GNAQ: variants seen among roughly 807,000 people sequenced by gnomAD.
The protein encoded by GNAQ is guanine nucleotide-binding protein G(q) subunit alpha.
GNAQ carries 8 observed loss-of-function variants against 43.9 expected under a neutral mutation model. That is an observed-to-expected ratio of 0.18 (90% confidence interval 0.11 to 0.33). GNAQ has a LOEUF of 0.33. Ranked by LOEUF, GNAQ falls within the 10% of genes least tolerant of loss-of-function variation. GNAQ has a pLI of 1.00. For synonymous variants in GNAQ, 155 were observed against 170.7 expected (o/e 0.91, Z 0.71); for missense variants, 158 against 450.8 (o/e 0.35, Z 5.88).
intron 5 of GNAQ, among the ~76,000 whole-genome samples, chr9:77,747,215 A>G (rs1020275924): frequency 3.3e-5 from 5 of 151,998 alleles, no homozygotes; most frequent in Admixed American, 2.6e-4. Context: ...TAATAAATAT[A>G]TTCTAAGAAA....
intron 2 of GNAQ, among the ~76,000 whole-genome samples, chr9:77,879,225 C>A (rs1828174023): frequency 6.6e-6 from 1 of 152,052 alleles, no homozygotes; most frequent in African/African-American, 2.4e-5. Context: ...GTCTGTCACC[C>A]AGAAATTGTT....
At position 77,821,259 on chromosome 9, in the gene GNAQ, G is replaced by C. The variant is rs372753399; in HGVS notation, c.322-5489C>G. Among the ~76,000 whole-genome samples the C allele has an allele frequency of 4.8e-4, 73 of 152,018 alleles. 1 individual carries two copies. The South Asian group carries it at 0.014, about 30-fold the overall frequency. ...TGTCTTTCCCAAAAAACATTTGCTG[G>C]AACTACAATTCTCCTCTTGGTTTTG... On this transcript the variant is annotated intron_variant, in intron 2 of 6. Transcript: ENST00000286548.
chr9:77,723,384 C>G lies in GNAQ; in HGVS notation c.890-1871G>C, dbSNP rs1023428231. Among the ~76,000 whole-genome samples the G allele has an allele frequency of 2.0e-5, 3 of 152,198 alleles. No individual in the cohort carries two copies. In the South Asian group the frequency reaches 6.2e-4, roughly 31 times the overall value. On this transcript the variant is annotated intron_variant, in intron 6 of 6. Transcript: ENST00000286548. ...CCATATGACCGACCCTGCTAGTCTA[C>G]TCCAATGTATATATCTAAAGGAATT...
At chr9:77,774,961 A>G (rs1206004902) in intron 5 of GNAQ, among the ~76,000 whole-genome samples, 1 of 152,234 alleles carries the variant, frequency 6.6e-6, no homozygotes, top group Non-Finnish European at 1.5e-5. Flanking sequence ...AGTCTGAATT[A>G]ATCTTCCAGG....
intron 1 of GNAQ, among the ~76,000 whole-genome samples, chr9:77,949,419 G>C (rs1404805666): frequency 6.6e-6 from 1 of 152,176 alleles, no homozygotes; most frequent in African/African-American, 2.4e-5. Flanking sequence ...GAATCTCTTG[G>C]GAGAAACAGG....
intron 5 of GNAQ, among the ~76,000 whole-genome samples, chr9:77,761,557 GC>G (rs1826024072): frequency 1.4e-5 from 2 of 140,282 alleles, no homozygotes; most frequent in African/African-American, 5.3e-5. Flanking sequence ...GGGGGGGTCA[GC>G]CCCCCGCCCG....
At chr9:77,828,440 C>T (rs988711311) in intron 2 of GNAQ, among the ~76,000 whole-genome samples, 1 of 151,916 alleles carries the variant, frequency 6.6e-6, no homozygotes, top group African/African-American at 2.4e-5. Flanking sequence ...GAATCCTACC[C>T]ATCCTCCTGT....
At chr9:77,789,871 A>C (rs1339305847) in intron 5 of GNAQ, among the ~76,000 whole-genome samples, 1 of 152,100 alleles carries the variant, frequency 6.6e-6, no homozygotes, top group Non-Finnish European at 1.5e-5. Context: ...TCTGGTTCAA[A>C]CTCATAATTG....
Position 77,720,439 on chromosome 9 carries a change from G to A in GNAQ, c.*884C>T. The stretch of plus-strand genomic sequence containing the variant: ...AAAATTAAGAACAACCTATAAAAAG[G>A]TTCTGGGTAGCAGCCATTAGGGTAA... On this transcript the variant is annotated 3_prime_UTR_variant, in exon 7 of 7. Coordinates refer to ENST00000286548, the MANE Select transcript of GNAQ (RefSeq NM_002072.5). 4.3e-6 allele frequency: 1 copy of A among 233,510 alleles called. No individual in the cohort carries two copies. Among genetic ancestry groups the A allele is most frequent in the Non-Finnish European group, 8.5e-6 (1 of 117,976 alleles). The allele number at this position is 233,510 out of a possible 1,614,324, so 14.5% of individuals were successfully genotyped here.
chr9:78,030,907 G>GTGTC (rs1554736249), intron 1 of GNAQ, among the ~76,000 whole-genome samples, 193 bp downstream of exon 1: 26 of 151,554 alleles, frequency 1.7e-4, no homozygotes, highest in African/African-American at 6.0e-4. Context: ...GTGTGTGTGT[G>GTGTC]TGTGTGTGTG....
intron 5 of GNAQ, among the ~76,000 whole-genome samples, chr9:77,768,045 C>T (rs1826162860): frequency 6.6e-6 from 1 of 152,120 alleles, no homozygotes. Flanking sequence ...AGGGACTGTG[C>T]TAAATATTTC....
At chr9:77,768,685 T>C (rs981918515) in intron 5 of GNAQ, among the ~76,000 whole-genome samples, 16 of 152,220 alleles carry the variant, frequency 1.1e-4, no homozygotes, top group Non-Finnish European at 1.9e-4. Flanking sequence ...GTTTAAGAAC[T>C]AGTTCTTCTA....
At chr9:77,723,367 C>T (rs1825348664) in intron 6 of GNAQ, among the ~76,000 whole-genome samples, 1 of 152,296 alleles carries the variant, frequency 6.6e-6, no homozygotes, top group Non-Finnish European at 1.5e-5. Context: ...AACCATATGA[C>T]CGACCCTGCT....
Position 78,031,764 on chromosome 9 carries a change from C to G in GNAQ, c.-529G>C, listed in dbSNP as rs1824066316. Among the ~76,000 whole-genome samples the G allele has an allele frequency of 6.8e-6, 1 of 148,104 alleles. No homozygotes were observed. The highest frequency in any genetic ancestry group is 2.4e-5 in the African/African-American group (1 of 40,900). ...CGGGCGCCCTCGGCCCTGTCCGCGCCCACCGCCCGGCTCGCGCGCAGACCC... is the reference window on the plus strand; with the variant it reads ...CGGGCGCCCTCGGCCCTGTCCGCGCGCACCGCCCGGCTCGCGCGCAGACCC... On this transcript the variant is annotated 5_prime_UTR_variant, in exon 1 of 7. Coordinates refer to ENST00000286548, the MANE Select transcript of GNAQ (RefSeq NM_002072.5).
At chr9:78,030,998 G>A (rs1375663171) in intron 1 of GNAQ, 102 bp downstream of exon 1, 2 of 885,146 alleles carry the variant, frequency 2.3e-6, no homozygotes, top group Middle Eastern at 4.0e-4. Flanking sequence ...GGGGCGAACC[G>A]CGGGCGCCGG....
intron 1 of GNAQ, among the ~76,000 whole-genome samples, chr9:77,945,901 C>T (rs990032231): frequency 5.9e-5 from 9 of 152,296 alleles, no homozygotes; most frequent in Admixed American, 3.9e-4. Flanking sequence ...TTATGCGAAT[C>T]ACCCAAGTTT....
At chr9:77,860,878 TAAG>T (rs1236781913) in intron 2 of GNAQ, among the ~76,000 whole-genome samples, 3 of 152,148 alleles carry the variant, frequency 2.0e-5, no homozygotes, top group African/African-American at 4.8e-5. Context: ...CTCTCTGTGG[TAAG>T]AAGAATAATG....
intron 5 of GNAQ, among the ~76,000 whole-genome samples, chr9:77,786,102 G>A (rs1826472098): frequency 6.6e-6 from 1 of 152,142 alleles, no homozygotes; most frequent in Admixed American, 6.5e-5. Flanking sequence ...AACAAGCCAG[G>A]CGCGGTGGCT....
At chr9:77,842,570 C>T (rs1487351722) in intron 2 of GNAQ, among the ~76,000 whole-genome samples, 1 of 152,184 alleles carries the variant, frequency 6.6e-6, no homozygotes, top group African/African-American at 2.4e-5. Context: ...TTGTTGAAGA[C>T]TGCCTAGAGA....
Sources: gnomAD v4.1 joint callset for allele counts (sites outside exome capture counted in the v4.1 genomes callset) on GRCh38, gnomAD v4.1.1 for gene constraint, MANE v1.5 for transcripts, NCBI Gene and HGNC (gene_info 2026-07-23, HGNC 2026-07-21) for gene names.